The following C5orf34 variants were observed in gnomAD, a reference collection of about 807,000 sequenced individuals.
C5orf34 encodes uncharacterized protein C5orf34.
In C5orf34, 73 loss-of-function variants were observed where a neutral mutation model predicts 78.4. The observed-to-expected ratio is 0.93, with a 90% CI of 0.77 to 1.13. The LOEUF (loss-of-function observed/expected upper bound fraction) is 1.13, where lower values mean the gene tolerates loss of function less well. Ranked by LOEUF, C5orf34 falls within the 50% of genes most tolerant of loss-of-function variation. C5orf34 has a pLI of 0.00. For missense variants in C5orf34, 730 were observed against 732.7 expected (o/e 1.00, Z 0.04); for synonymous variants, 251 against 246.6 (o/e 1.02, Z -0.17).
chr5:43,509,075 A>G, intron 2 of C5orf34, 70 bp downstream of exon 2: 1 of 1,274,106 alleles, frequency 7.8e-7, no homozygotes, highest in Admixed American at 1.9e-5. Context: ...ACTGTACTCC[A>G]GCCTGGGTGA....
Position 43,508,575 on chromosome 5 carries a change from AC to A in C5orf34, c.285+1del, listed in dbSNP as rs1331539401. On this transcript the variant is annotated splice_donor_variant, in intron 3 of 12. Coordinates refer to ENST00000306862, the MANE Select transcript of C5orf34 (RefSeq NM_198566.4). LOFTEE classifies it high-confidence loss of function. ...TAACAAAAATGAAGTTAAAAAAATCACCTTTTTTCTTTCAGAAGGTATGATG... is the reference window on the plus strand; with the variant it reads ...TAACAAAAATGAAGTTAAAAAAATCACTTTTTTCTTTCAGAAGGTATGATG... The A allele has an allele frequency of 6.4e-7, 1 of 1,553,416 alleles. No individual in the cohort carries two copies.
Position 43,508,643 on chromosome 5 carries a change from A to T in C5orf34, c.219T>A (p.Asp73Glu), listed in dbSNP as rs762374526. 1 of 1,607,678 alleles carries T rather than the reference A, an allele frequency of 6.2e-7. No individual in the cohort carries two copies. The highest frequency in any genetic ancestry group is 8.5e-7 in the Non-Finnish European group (1 of 1,174,374). The change falls in exon 3 of 13, where the codon GAT becomes GAA. Residue 73 changes from aspartate (D) to glutamate (E), a missense_variant. Asp to Glu is a conservative substitution (Grantham distance 45, BLOSUM62 2). Transcript: ENST00000306862. ...TYREQLQRAL[D>E]FRNSSATCPF... is the part of the protein sequence containing the mutation. ...GGCAAGTAGCTGAAGAGTTTCGAAA[A>T]TCTAGGGCTCGCTGTAGTTGCTCCT... is the stretch of plus-strand genomic sequence containing the variant.
intron 6 of C5orf34, among the ~76,000 whole-genome samples, chr5:43,496,790 TACC>T (rs773432091): frequency 2.0e-4 from 31 of 151,864 alleles, no homozygotes; most frequent in Non-Finnish European, 4.0e-4. Context: ...CTTACTATAT[TACC>T]CAGACTAGTC....
intron 10 of C5orf34, 48 bp from the exon 11 acceptor site, chr5:43,490,777 CATTATAAA>C (rs1561206445): frequency 1.1e-6 from 1 of 901,878 alleles, no homozygotes; most frequent in South Asian, 1.8e-5. Context: ...AACTTGAATA[CATTATAAA>C]ATTATAAACA....
chr5:43,504,171 G>A (rs917743797), intron 4 of C5orf34, among the ~76,000 whole-genome samples: 3 of 152,050 alleles, frequency 2.0e-5, no homozygotes, highest in Non-Finnish European at 4.4e-5. Context: ...ATTAGGCGTA[G>A]TGGCACGTGC....
rs1745415769 is a variant in C5orf34 at position 43,494,492 on chromosome 5, T to C, written c.1244+18A>G. The C allele has an allele frequency of 6.5e-7, 1 of 1,527,026 alleles. No individual in the cohort carries two copies. Among genetic ancestry groups the C allele is most frequent in the Admixed American group, 1.7e-5 (1 of 58,810 alleles). 94.6% of individuals were successfully genotyped at this position (1,527,026 alleles called of 1,614,324 possible). On this transcript the variant is annotated intron_variant, in intron 7 of 12. Coordinates refer to ENST00000306862, the MANE Select transcript of C5orf34 (RefSeq NM_198566.4). ...TTAGACACATAACATTTGATTCAAT[T>C]GAATGGGAAGAACTTACCTTGTTGC...
At position 43,509,295 on chromosome 5, in the gene C5orf34, T is replaced by C. The variant is rs750770085; in HGVS notation, c.45A>G (p.Val15=). 3.1e-6 allele frequency: 5 copies of C among 1,613,580 alleles called. No individual in the cohort carries two copies. Among genetic ancestry groups the C allele is most frequent in the African/African-American group, 1.3e-5 (1 of 74,932 alleles). Residue 15 remains valine, a synonymous_variant, in exon 2 of 13, where the codon GTA becomes GTG. Transcript: ENST00000306862. ...LRMILYEDDS[V]QVQYVDGSTL... ...TGGAACCATCAACATATTGTACTTG[T>C]ACTGAATCATCTTCATAAAGTATCA...
intron 1 of C5orf34, chr5:43,514,284 TCA>T (rs1356003007): frequency 6.6e-6 from 1 of 152,212 alleles, no homozygotes; most frequent in African/African-American, 2.4e-5. Flanking sequence ...TTTCCACAAG[TCA>T]CACCATACCA....
Position 43,506,225 on chromosome 5 carries a change from C to CT in C5orf34, c.454dup (p.Ser152LysfsTer15), listed in dbSNP as rs1745979047. 6.2e-7 allele frequency: 1 copy of CT among 1,614,134 alleles called. No homozygotes were observed. The highest frequency in any genetic ancestry group is 8.5e-7 in the Non-Finnish European group (1 of 1,180,030). Reference sequence around the variant, plus strand: ...CACTGCAGATGAGTCTGACTTCTGGCTAACTTTACACAAAAAATGTACTGT... The same window carrying CT: ...CACTGCAGATGAGTCTGACTTCTGGCTTAACTTTACACAAAAAATGTACTGT... On this transcript the variant is annotated frameshift_variant, in exon 4 of 13. Coordinates refer to ENST00000306862, the MANE Select transcript of C5orf34 (RefSeq NM_198566.4). LOFTEE classifies it high-confidence loss of function.
At position 43,508,620 on chromosome 5, in the gene C5orf34, C is replaced by T; in HGVS notation, c.242G>A (p.Cys81Tyr). The change falls in exon 3 of 13, where the codon TGC (cysteine) becomes TAC (tyrosine). Residue 81 changes from cysteine (C) to tyrosine (Y), a missense_variant. Cys to Tyr is a radical substitution (Grantham distance 194). Coordinates refer to ENST00000306862, the MANE Select transcript of C5orf34 (RefSeq NM_198566.4). Reference sequence around the variant, plus strand: ...TATGATGGTTTCAGATAAAAAAGGGCAAGTAGCTGAAGAGTTTCGAAAATC... The same window carrying T: ...TATGATGGTTTCAGATAAAAAAGGGTAAGTAGCTGAAGAGTTTCGAAAATC... ...ALDFRNSSAT[C>Y]PFLSETIIPS... 22 of 1,611,930 alleles carry T rather than the reference C, an allele frequency of 1.4e-5. No homozygotes were observed. Among genetic ancestry groups the T allele is most frequent in the Non-Finnish European group, 1.9e-5 (22 of 1,178,432 alleles).
At chr5:43,505,242 GA>G (rs1745930426) in intron 4 of C5orf34, among the ~76,000 whole-genome samples, 3 of 152,174 alleles carry the variant, frequency 2.0e-5, no homozygotes, top group South Asian at 4.1e-4. Flanking sequence ...TACCCCTTTT[GA>G]AAACAGACGT....
At position 43,503,669 on chromosome 5, in the gene C5orf34, A is replaced by G; in HGVS notation, c.1024T>C (p.Tyr342His). The G allele has an allele frequency of 6.2e-7, 1 of 1,601,702 alleles. No homozygotes were observed. The highest frequency in any genetic ancestry group is 8.6e-7 in the Non-Finnish European group (1 of 1,168,760). ...VKMVWYKGVT[Y>H]RLTHQNMNSI... is the part of the protein sequence containing the mutation. ...AAGCCAACATAGGTGCCTTACCTATATGTAACACCTTTGTACCAAACCATT... is the reference window on the plus strand; with the variant it reads ...AAGCCAACATAGGTGCCTTACCTATGTGTAACACCTTTGTACCAAACCATT... The change falls in exon 5 of 13, where the codon TAT (tyrosine) becomes CAT (histidine). Residue 342 changes from tyrosine (Y) to histidine (H), a missense_variant. Physicochemically the swap from Tyr to His is moderately conservative, Grantham distance 83 (BLOSUM62 2). Coordinates refer to ENST00000306862, the MANE Select transcript of C5orf34 (RefSeq NM_198566.4).
intron 6 of C5orf34, among the ~76,000 whole-genome samples, chr5:43,500,845 T>C (rs1302463149): frequency 6.6e-6 from 1 of 152,230 alleles, no homozygotes; most frequent in Non-Finnish European, 1.5e-5. Context: ...CTAACACTTA[T>C]AAAGTTTGGT....
chr5:43,510,317 G>T (rs1178428597), intron 1 of C5orf34, among the ~76,000 whole-genome samples: 1 of 152,108 alleles, frequency 6.6e-6, no homozygotes, highest in African/African-American at 2.4e-5. Context: ...TCTTGGATTT[G>T]TCCTTATTTC....
At chr5:43,487,984 TC>T in intron 11 of C5orf34, 35 bp from the exon 12 acceptor site, 1 of 1,557,342 alleles carries the variant, frequency 6.4e-7, no homozygotes, top group Non-Finnish European at 8.8e-7. Context: ...CATTCAGTTG[TC>T]TGATTCTTTT....
chr5:43,489,340 C>T (rs912621958), intron 11 of C5orf34, among the ~76,000 whole-genome samples: 9 of 151,898 alleles, frequency 5.9e-5, no homozygotes, highest in African/African-American at 4.8e-5. Flanking sequence ...TAAGAAAAAC[C>T]GAAGTGGAGA....
chr5:43,505,067 A>G (rs1295862574), intron 4 of C5orf34, among the ~76,000 whole-genome samples: 1 of 152,204 alleles, frequency 6.6e-6, no homozygotes, highest in Admixed American at 6.5e-5. Flanking sequence ...ATGCTTTGAG[A>G]ATCAAACGGG....
chr5:43,500,804 G>A (rs1300538041), intron 6 of C5orf34, among the ~76,000 whole-genome samples: 1 of 152,172 alleles, frequency 6.6e-6, no homozygotes, highest in Non-Finnish European at 1.5e-5. Flanking sequence ...TTTACCCAGA[G>A]ATTTTAAACA....
Position 43,505,756 on chromosome 5 carries a change from G to A in C5orf34, c.924C>T (p.His308=), listed in dbSNP as rs1745955363. The change falls in exon 4 of 13, where the codon CAC becomes CAT. Residue 308 remains histidine (H), a synonymous_variant. Transcript: ENST00000306862. The part of the protein sequence containing the change: ...RALSLSCPVP[H]LHRWNFCDSL... ...AGCCATTACTGCATTACCTGTGTAG[G>A]TGTGGGACTGGACAGCTGAGTGACA... is the stretch of plus-strand genomic sequence containing the variant. The A allele has an allele frequency of 1.9e-6, 3 of 1,573,940 alleles. No homozygotes were observed. The highest frequency in any genetic ancestry group is 1.7e-4 in the Middle Eastern group (1 of 5,832).
Sources: allele counts gnomAD v4.1 joint callset (sites outside exome capture counted in the v4.1 genomes callset), GRCh38; gene constraint gnomAD v4.1.1; transcripts MANE v1.5; gene names NCBI Gene and HGNC (gene_info 2026-07-23, HGNC 2026-07-21).